Variants in FKBP5 observed in about 807,000 individuals in gnomAD.
FKBP5 encodes the protein peptidyl-prolyl cis-trans isomerase FKBP5.
FKBP5 carries 23 observed loss-of-function variants against 50.5 expected under a neutral mutation model. The observed-to-expected ratio is 0.46, with a 90% CI of 0.33 to 0.65. FKBP5 has a LOEUF of 0.65. Ranked by LOEUF, FKBP5 falls within the 30% of genes least tolerant of loss-of-function variation. FKBP5 has a pLI of 0.02. For missense variants in FKBP5, 411 were observed against 553.1 expected, an observed-to-expected ratio of 0.74 and a Z score of 2.58; for synonymous variants, 176 against 190.6, an observed-to-expected ratio of 0.92 and a Z score of 0.63.
At chr6:35,583,223 T>A in intron 8 of FKBP5, 1 of 985,436 alleles carries the variant, frequency 1.0e-6, no homozygotes, top group South Asian at 4.7e-5. Context: ...CATTTCTTCA[T>A]CCTCTCTCCT....
In FKBP5 at chr6:35,638,534, C is replaced by G. The variant is rs887893537; in HGVS notation, c.106-1376G>C. Among the ~76,000 whole-genome samples, 6 of 152,288 alleles carry G rather than the reference C, an allele frequency of 3.9e-5. No individual in the cohort carries two copies. In the South Asian group the frequency reaches 1.2e-3, roughly 32 times the overall value. On this transcript the variant is annotated intron_variant, in intron 2 of 10. Coordinates refer to ENST00000357266, the MANE Select transcript of FKBP5 (RefSeq NM_004117.4). Reference sequence around the variant, plus strand: ...CTCAGCTCAAGTGATCATCCCACCTCAGCCTCCCGAGTAGCAGAGACTACA... The same window carrying G: ...CTCAGCTCAAGTGATCATCCCACCTGAGCCTCCCGAGTAGCAGAGACTACA...
intron 5 of FKBP5, among the ~76,000 whole-genome samples, chr6:35,606,246 G>A (rs1178275717): frequency 3.3e-5 from 5 of 152,204 alleles, no homozygotes; most frequent in Middle Eastern, 3.4e-3. Flanking sequence ...AGTAGGCAAA[G>A]GACACGAAGA....
At chr6:35,680,385 G>A (rs994772243) in intron 1 of FKBP5, among the ~76,000 whole-genome samples, 3 of 152,150 alleles carry the variant, frequency 2.0e-5, no homozygotes, top group Non-Finnish European at 2.9e-5. Context: ...AGCTATGATC[G>A]CACTACTGCA....
intron 3 of FKBP5, among the ~76,000 whole-genome samples, chr6:35,623,046 T>C (rs891025330): frequency 3.3e-5 from 5 of 152,128 alleles, no homozygotes; most frequent in Non-Finnish European, 1.5e-5. Context: ...ATCGAAACCA[T>C]CCTGGCTCAC....
At chr6:35,633,863 C>T (rs1467000710) in intron 3 of FKBP5, among the ~76,000 whole-genome samples, 2 of 152,114 alleles carry the variant, frequency 1.3e-5, no homozygotes, top group African/African-American at 4.8e-5. Context: ...CCACAAGGAA[C>T]AGGGAAGACA....
intron 9 of FKBP5, among the ~76,000 whole-genome samples, chr6:35,578,693 G>A (rs1379306092): frequency 1.3e-5 from 2 of 151,642 alleles, no homozygotes; most frequent in African/African-American, 2.4e-5. Flanking sequence ...GCTTGAACTC[G>A]GGAGGTGGAG....
At chr6:35,649,057 C>T (rs1192438291) in intron 1 of FKBP5, among the ~76,000 whole-genome samples, 1 of 152,072 alleles carries the variant, frequency 6.6e-6, no homozygotes, top group East Asian at 1.9e-4. Context: ...CGAGACCATC[C>T]TGGCTAATAT....
chr6:35,596,294 C>A (rs1307436057), intron 6 of FKBP5, among the ~76,000 whole-genome samples: 4 of 151,882 alleles, frequency 2.6e-5, no homozygotes, highest in Non-Finnish European at 5.9e-5. Context: ...GTAGAGGTTG[C>A]AGTGAGCCAA....
At position 35,620,002 on chromosome 6, in the gene FKBP5, T is replaced by G. The variant is rs1415598533; in HGVS notation, c.393+130A>C. Reference sequence around the variant, plus strand: ...TTGTGGGAAACAATTCAAGAAGCCATGCTCCAAAATAAGTAAGTTGGATCT... The same window carrying G: ...TTGTGGGAAACAATTCAAGAAGCCAGGCTCCAAAATAAGTAAGTTGGATCT... On this transcript the variant is annotated intron_variant, in intron 4 of 10. Coordinates refer to ENST00000357266, the MANE Select transcript of FKBP5 (RefSeq NM_004117.4). 4 of 1,124,488 alleles carry G rather than the reference T, an allele frequency of 3.6e-6. No homozygotes were observed. The African/African-American group carries it at 6.2e-5, about 17-fold the overall frequency. The allele number at this position is 1,124,488 out of a possible 1,614,324, so 69.7% of individuals were successfully genotyped here. A position where few individuals can be genotyped will look rare whatever the true frequency, so the allele number is the denominator to read the frequency against.
At chr6:35,623,968 T>C (rs1468727917) in intron 3 of FKBP5, among the ~76,000 whole-genome samples, 4 of 152,052 alleles carry the variant, frequency 2.6e-5, no homozygotes, top group African/African-American at 9.7e-5. Context: ...TCCAGAGTGC[T>C]GGGATTACAG....
At chr6:35,694,280 G>C (rs939874146) in intron 2 of FKBP5, among the ~76,000 whole-genome samples, 1 of 152,068 alleles carries the variant, frequency 6.6e-6, no homozygotes. Flanking sequence ...CAAGTAACTG[G>C]GACTACAGGT....
At position 35,665,213 on chromosome 6, in the gene FKBP5, T is replaced by C. The variant is rs142290913; in HGVS notation, c.-19-22370A>G. Among the ~76,000 whole-genome samples, 1,235 of 152,076 alleles carry C rather than the reference T, an allele frequency of 8.1e-3. 20 individuals carry two copies. The highest frequency in any genetic ancestry group is 0.026 in the African/African-American group (1,076 of 41,452). On this transcript the variant is annotated intron_variant, in intron 1 of 10. Coordinates refer to ENST00000357266, the MANE Select transcript of FKBP5 (RefSeq NM_004117.4). ...CTAATTCATGGACCTTAAATAGTGTTCCAACACAACAAATCTAAACTTCTC... is the reference window on the plus strand; with the variant it reads ...CTAATTCATGGACCTTAAATAGTGTCCCAACACAACAAATCTAAACTTCTC...
chr6:35,664,390 C>T (rs916503438), intron 1 of FKBP5, among the ~76,000 whole-genome samples: 1 of 151,898 alleles, frequency 6.6e-6, no homozygotes, highest in Non-Finnish European at 1.5e-5. Flanking sequence ...ACCCTTTTTC[C>T]GTTACCATAT....
intron 8 of FKBP5, chr6:35,584,233 A>G (rs987039490): frequency 6.1e-6 from 6 of 985,188 alleles, no homozygotes; most frequent in Non-Finnish European, 7.2e-6. Flanking sequence ...AGAGTTCTCT[A>G]TTTTTCTTCT....
At chr6:35,655,172 T>C (rs1246588070) in intron 1 of FKBP5, among the ~76,000 whole-genome samples, 4 of 151,952 alleles carry the variant, frequency 2.6e-5, no homozygotes, top group Non-Finnish European at 5.9e-5. Context: ...GAAACAGAAA[T>C]TTAAAATAAT....
intron 8 of FKBP5, chr6:35,586,154 C>T: frequency 1.0e-6 from 1 of 984,714 alleles, no homozygotes; most frequent in Non-Finnish European, 1.2e-6. Context: ...ATGGAGAAGG[C>T]ATATATTTGG....
chr6:35,673,952 G>A (rs1765461198), intron 1 of FKBP5, among the ~76,000 whole-genome samples: 1 of 152,182 alleles, frequency 6.6e-6, no homozygotes, highest in African/African-American at 2.4e-5. Context: ...TTGAGCATAT[G>A]CCTCTACTTC....
intron 3 of FKBP5, among the ~76,000 whole-genome samples, chr6:35,631,886 C>T (rs953701160): frequency 7.2e-5 from 10 of 138,274 alleles, no homozygotes; most frequent in African/African-American, 1.4e-4. Context: ...ATCCGGGAGG[C>T]GGAGGTTGCA....
At chr6:35,689,160 G>C (rs1561896998), upstream of FKBP5, among the ~76,000 whole-genome samples, 1 of 152,190 alleles carries the variant, frequency 6.6e-6, no homozygotes, top group Non-Finnish European at 1.5e-5. Context: ...CTTGCCCTTT[G>C]TGGGGGCCAT....
Sources: allele counts gnomAD v4.1 joint callset (sites outside exome capture counted in the v4.1 genomes callset), GRCh38; gene constraint gnomAD v4.1.1; transcripts MANE v1.5; gene names NCBI Gene and HGNC (gene_info 2026-07-23, HGNC 2026-07-21).